The following KCNMA1 variants were observed in gnomAD, a reference collection of about 807,000 sequenced individuals.
KCNMA1 encodes the protein potassium calcium-activated channel subfamily M alpha 1, also known as Calcium-activated potassium channel subunit alpha-1.
KCNMA1 carries 29 observed loss-of-function variants against 140.0 expected under a neutral mutation model. That is an observed-to-expected ratio of 0.21 (90% CI 0.15 to 0.28). The LOEUF (loss-of-function observed/expected upper bound fraction) is 0.28. KCNMA1 is among the 10% of genes least tolerant of loss of function. The probability of loss-of-function intolerance (pLI) is 1.00; values close to 1 mark genes in which losing one functional copy is unlikely to be tolerated. For missense variants in KCNMA1, 880 were observed against 1,602.2 expected, an observed-to-expected ratio of 0.55 and a Z score of 7.70; for synonymous variants, 612 against 611.9, an observed-to-expected ratio of 1.00 and a Z score of 0.00.
At chr10:76,952,881 T>C (rs559181574) in intron 21 of KCNMA1, among the ~76,000 whole-genome samples, 1 of 152,310 alleles carries the variant, frequency 6.6e-6, no homozygotes, top group South Asian at 2.1e-4. Context: ...CATACCAATC[T>C]GGGGATTAGA....
At chr10:77,439,926 A>G (rs981362473) in intron 1 of KCNMA1, among the ~76,000 whole-genome samples, 1 of 152,192 alleles carries the variant, frequency 6.6e-6, no homozygotes. Flanking sequence ...TTCATGCAAA[A>G]GTTGTTCGAG....
chr10:76,910,597 C>G (rs2049760707), intron 24 of KCNMA1: 1 of 240,690 alleles, frequency 4.2e-6, no homozygotes, highest in Admixed American at 5.1e-5. Context: ...TAACCCGCAG[C>G]CTACCCACTG....
chr10:77,081,321 T>C (rs889144423), intron 12 of KCNMA1, among the ~76,000 whole-genome samples: 3 of 152,140 alleles, frequency 2.0e-5, no homozygotes, highest in Non-Finnish European at 4.4e-5. Flanking sequence ...GATGTGAAAA[T>C]GCTTTGAAAT....
chr10:77,360,287 T>C (rs2093835965), intron 2 of KCNMA1, among the ~76,000 whole-genome samples: 1 of 152,158 alleles, frequency 6.6e-6, no homozygotes, highest in African/African-American at 2.4e-5. Context: ...CCAGTGGAGC[T>C]GATGATTAGC....
In KCNMA1 at chr10:77,551,115, C is replaced by T. The variant is rs187912351; in HGVS notation, c.378+86150G>A. On this transcript the variant is annotated intron_variant, in intron 1 of 27. Transcript: ENST00000286628. ...CCGAGTAGCTGGAACTACAGGAACA[C>T]GCCACCACACCCAGCTACCACTATT... Among the ~76,000 whole-genome samples, 651 of 152,250 alleles carry T rather than the reference C, an allele frequency of 4.3e-3. 5 individuals carry two copies. Among genetic ancestry groups the T allele is most frequent in the African/African-American group, 0.013 (547 of 41,544 alleles).
At chr10:76,870,320 A>G (rs964807275) in exon 28 of KCNMA1, 2 of 152,192 alleles carry the variant, frequency 1.3e-5, no homozygotes, top group African/African-American at 4.8e-5. Context: ...GTACATTTCC[A>G]TCTAAGATTC....
chr10:77,257,580 C>G (rs1565539627), intron 2 of KCNMA1, among the ~76,000 whole-genome samples: 1 of 152,160 alleles, frequency 6.6e-6, no homozygotes, highest in Non-Finnish European at 1.5e-5. Flanking sequence ...CCTGGCTGTT[C>G]TAGGAAAGGA....
At chr10:77,226,634 C>G (rs2051523969) in intron 3 of KCNMA1, among the ~76,000 whole-genome samples, 1 of 152,138 alleles carries the variant, frequency 6.6e-6, no homozygotes, top group South Asian at 2.1e-4. Flanking sequence ...AATCTCATTT[C>G]AAACCCTTCC....
chr10:77,167,266 G>A (rs1307218379), intron 5 of KCNMA1, among the ~76,000 whole-genome samples: 4 of 151,908 alleles, frequency 2.6e-5, no homozygotes, highest in Non-Finnish European at 5.9e-5. Flanking sequence ...TTAACACAAC[G>A]ACCTCCAGTT....
intron 5 of KCNMA1, among the ~76,000 whole-genome samples, chr10:77,182,104 T>G (rs983498013): frequency 6.6e-6 from 1 of 152,202 alleles, no homozygotes; most frequent in Non-Finnish European, 1.5e-5. Context: ...ATTTTTTAAG[T>G]TATCCATCAA....
chr10:77,133,083 A>G (rs2153992348), intron 5 of KCNMA1, among the ~76,000 whole-genome samples: 1 of 152,014 alleles, frequency 6.6e-6, no homozygotes, highest in Admixed American at 6.5e-5. Context: ...AACAGAAAAA[A>G]ATTAAAGTAT....
chr10:77,229,330 C>T (rs2052680274), intron 3 of KCNMA1, among the ~76,000 whole-genome samples: 1 of 81,568 alleles, frequency 1.2e-5, no homozygotes, highest in Non-Finnish European at 2.2e-5. Context: ...GCAGAGAAGC[C>T]CATGGCAAAA....
chr10:77,197,058 T>C (rs955883859), intron 3 of KCNMA1, among the ~76,000 whole-genome samples: 4 of 152,006 alleles, frequency 2.6e-5, no homozygotes, highest in African/African-American at 9.7e-5. Flanking sequence ...GGAGAGAAAA[T>C]GATCACAATT....
chr10:77,385,360 T>C (rs1285739871), intron 2 of KCNMA1, among the ~76,000 whole-genome samples: 1 of 152,246 alleles, frequency 6.6e-6, no homozygotes, highest in Non-Finnish European at 1.5e-5. Flanking sequence ...CAGTTTACTA[T>C]GTTTTATTAA....
chr10:77,379,517 A>G (rs778545817), intron 2 of KCNMA1, among the ~76,000 whole-genome samples: 7 of 151,472 alleles, frequency 4.6e-5, no homozygotes, highest in Non-Finnish European at 1.0e-4. Flanking sequence ...GAAGCAGAAG[A>G]GACTAAGGAA....
intron 6 of KCNMA1, among the ~76,000 whole-genome samples, chr10:77,118,884 G>A (rs1184420640): frequency 1.3e-5 from 2 of 152,202 alleles, no homozygotes; most frequent in Non-Finnish European, 2.9e-5. Context: ...CAGGCTTGCT[G>A]AATTATCTCA....
chr10:77,547,044 A>G (rs2061597633), intron 1 of KCNMA1, among the ~76,000 whole-genome samples: 1 of 152,136 alleles, frequency 6.6e-6, no homozygotes, highest in Non-Finnish European at 1.5e-5. Context: ...ATGTTTCCCT[A>G]AAGAGAGCCC....
chr10:77,012,656 C>G (rs2091096133), intron 17 of KCNMA1: 1 of 940,696 alleles, frequency 1.1e-6, no homozygotes, highest in African/African-American at 1.6e-5. Context: ...CTGACTGGAC[C>G]AATTCCCATG....
At chr10:77,289,590 C>T (rs1305472223) in intron 2 of KCNMA1, among the ~76,000 whole-genome samples, 1 of 152,112 alleles carries the variant, frequency 6.6e-6, no homozygotes, top group African/African-American at 2.4e-5. Context: ...ACACAGATGA[C>T]CCATAAAGGA....
Sources: gnomAD v4.1 joint callset for allele counts (sites outside exome capture counted in the v4.1 genomes callset) on GRCh38, gnomAD v4.1.1 for gene constraint, MANE v1.5 for transcripts, NCBI Gene and HGNC (gene_info 2026-07-23, HGNC 2026-07-21) for gene names.